Variants in PCDHGB2 observed in about 807,000 individuals in gnomAD.
PCDHGB2 encodes protocadherin gamma subfamily B, 2.
A neutral mutation model predicts 59.3 loss-of-function variants in PCDHGB2; 55 were observed. That is an observed-to-expected ratio of 0.93 (90% CI 0.75 to 1.16). PCDHGB2 has a LOEUF of 1.16. PCDHGB2 is among the 50% of genes most tolerant of loss of function. The probability of loss-of-function intolerance (pLI) is 0.00; values close to 1 mark genes in which losing one functional copy is unlikely to be tolerated. For missense variants in PCDHGB2, 1,228 were observed against 1,198.5 expected (o/e 1.02, Z -0.36); for synonymous variants, 516 against 512.0 (o/e 1.01, Z -0.11).
At chr5:141,403,699 T>G (rs780425739) in intron 1 of PCDHGB2, 6 of 1,613,934 alleles carry the variant, frequency 3.7e-6, no homozygotes, top group East Asian at 2.2e-5. Context: ...TTTACCGAGT[T>G]AAAGTCCTTG....
chr5:141,404,877 T>A (rs1242099855), intron 1 of PCDHGB2: 2 of 1,613,738 alleles, frequency 1.2e-6, no homozygotes, highest in Non-Finnish European at 1.7e-6. Flanking sequence ...AAACAGAGCC[T>A]TGTGGTGGCT....
At chr5:141,370,390 G>C in intron 1 of PCDHGB2, 1 of 1,543,894 alleles carries the variant, frequency 6.5e-7, no homozygotes. Flanking sequence ...GGCGCAGAGA[G>C]CGGGATGGGA....
At chr5:141,415,208 A>C in intron 1 of PCDHGB2, 3 of 1,614,024 alleles carry the variant, frequency 1.9e-6, no homozygotes, top group Non-Finnish European at 2.5e-6. Context: ...GTCCTGGCGG[A>C]CCTCGGCAGC....
intron 1 of PCDHGB2, chr5:141,419,166 A>G: frequency 6.2e-7 from 1 of 1,613,944 alleles, no homozygotes; most frequent in Non-Finnish European, 8.5e-7. Context: ...TCCTCCAGCA[A>G]AACCATAACC....
At position 141,490,543 on chromosome 5, in the gene PCDHGB2, C is replaced by T; in HGVS notation, c.2422-4264C>T. 2 of 1,614,188 alleles carry T rather than the reference C, an allele frequency of 1.2e-6. No homozygotes were observed. Among genetic ancestry groups the T allele is most frequent in the Non-Finnish European group, 8.5e-7 (1 of 1,180,024 alleles). On this transcript the variant is annotated intron_variant, in intron 1 of 3. Transcript: ENST00000522605. The surrounding 1 kb of genome is among the most constrained non-coding windows in gnomAD (Gnocchi z 5.4). ...CAGCGATGCTGGTTCACCTTCCCTA[C>T]ACAAACATCTCACCATCAGGCTCAA...
chr5:141,430,763 A>C, intron 1 of PCDHGB2: 1 of 1,506,248 alleles, frequency 6.6e-7, no homozygotes, highest in Non-Finnish European at 8.9e-7. Flanking sequence ...GATAAGAATG[A>C]TTCCTGCGCG....
intron 1 of PCDHGB2, chr5:141,419,412 G>A (rs770138290): frequency 1.9e-6 from 3 of 1,613,446 alleles, no homozygotes; most frequent in South Asian, 2.2e-5. Context: ...TTCGCGCAGC[G>A]CGCCTTCGAC....
intron 1 of PCDHGB2, chr5:141,402,983 G>A (rs748129276): frequency 6.2e-6 from 10 of 1,609,166 alleles, no homozygotes; most frequent in African/African-American, 1.3e-5. Flanking sequence ...CCAGCTCCGC[G>A]GAAGATTAGT....
At chr5:141,462,415 C>G (rs998182982) in intron 1 of PCDHGB2, among the ~76,000 whole-genome samples, 2 of 152,092 alleles carry the variant, frequency 1.3e-5, no homozygotes, top group Non-Finnish European at 2.9e-5. Context: ...AGAATATGGT[C>G]TATCTTGGTG....
At position 141,494,934 on chromosome 5, in the gene PCDHGB2, T is replaced by C. The variant is rs2099757666; in HGVS notation, c.2480+69T>C. On this transcript the variant is annotated intron_variant, in intron 2 of 3. Transcript: ENST00000522605. ...TTCTCAGGGATGACGTGGGAGGAGA[T>C]GGGGGAGGGCCCAGCATTTGCTACA... 5.6e-6 allele frequency: 9 copies of C among 1,612,736 alleles called. No individual in the cohort carries two copies. The South Asian group carries it at 7.7e-5, about 14-fold the overall frequency.
chr5:141,451,993 C>G (rs1235806360), intron 1 of PCDHGB2, among the ~76,000 whole-genome samples: 4 of 152,164 alleles, frequency 2.6e-5, no homozygotes, highest in African/African-American at 7.2e-5. Context: ...TCATTAGAAG[C>G]AAAATCACTT....
In PCDHGB2 at chr5:141,389,482, G is replaced by A. The variant is rs766365115; in HGVS notation, c.2421+26926G>A. ...GCCTTCGAACTCACACTGCAGGCCC[G>A]CGACCAGGGCTCGCCAGCGCTCAGC... is the stretch of plus-strand genomic sequence containing the variant. On this transcript the variant is annotated intron_variant, in intron 1 of 3. Transcript: ENST00000522605. 4 of 1,613,080 alleles carry A rather than the reference G, an allele frequency of 2.5e-6. No homozygotes were observed. The South Asian group carries it at 3.3e-5, about 13-fold the overall frequency.
intron 1 of PCDHGB2, among the ~76,000 whole-genome samples, chr5:141,473,775 T>A (rs1219791398): frequency 6.6e-6 from 1 of 152,190 alleles, no homozygotes; most frequent in African/African-American, 2.4e-5. Flanking sequence ...ATTTGGTATT[T>A]TAATTCAAGA....
chr5:141,398,787 A>T, intron 1 of PCDHGB2: 1 of 1,613,902 alleles, frequency 6.2e-7, no homozygotes, highest in African/African-American at 1.3e-5. Flanking sequence ...GTGGACATCC[A>T]CCCCTAAGCG....
In PCDHGB2 at chr5:141,413,371, CGCGGAGT is replaced by C. The variant is rs765391000; in HGVS notation, c.2421+50816_2421+50822del. The C allele has an allele frequency of 3.7e-6, 6 of 1,613,848 alleles. No homozygotes were observed. In the African/African-American group the frequency reaches 8.0e-5, roughly 22 times the overall value. On this transcript the variant is annotated intron_variant, in intron 1 of 3. Coordinates refer to ENST00000522605, the MANE Select transcript of PCDHGB2 (RefSeq NM_018923.3). ...TCTGGCGCCCCGGGAGCTGGCGGAG[CGCGGAGT>C]CCGCATAGTCTCCAGAGGTAGGACG...
chr5:141,415,627 A>T, intron 1 of PCDHGB2: 1 of 1,598,406 alleles, frequency 6.3e-7, no homozygotes, highest in Non-Finnish European at 8.5e-7. Context: ...TTTTATTTTC[A>T]TTTTTACTTT....
intron 1 of PCDHGB2, chr5:141,398,897 C>G (rs761364649): frequency 2.1e-5 from 34 of 1,613,932 alleles, no homozygotes; most frequent in Non-Finnish European, 2.8e-5. Context: ...AACGTGCCAC[C>G]AGGCACCACT....
At chr5:141,414,083 G>C (rs964114178) in intron 1 of PCDHGB2, 1 of 1,601,124 alleles carries the variant, frequency 6.2e-7, no homozygotes, top group Non-Finnish European at 8.5e-7. Context: ...AAATATACTG[G>C]AGAAATAAAA....
At chr5:141,407,175 C>T (rs752092856) in intron 1 of PCDHGB2, among the ~76,000 whole-genome samples, 39 of 152,166 alleles carry the variant, frequency 2.6e-4, no homozygotes, top group Non-Finnish European at 5.4e-4. Flanking sequence ...TTATGACATA[C>T]AGACATTTTA....
Sources: allele counts gnomAD v4.1 joint callset (sites outside exome capture counted in the v4.1 genomes callset), GRCh38; gene constraint gnomAD v4.1.1; non-coding constraint Gnocchi (gnomAD v3.1); transcripts MANE v1.5; gene names NCBI Gene and HGNC (gene_info 2026-07-23, HGNC 2026-07-21).